LRRC4C: variants seen among roughly 807,000 people sequenced by gnomAD.
LRRC4C encodes the protein leucine rich repeat containing 4C.
LRRC4C carries 5 observed loss-of-function variants against 33.6 expected under a neutral mutation model. The observed-to-expected ratio is 0.15, with a 90% CI of 0.08 to 0.31. The LOEUF is 0.31. Ranked by LOEUF, LRRC4C falls within the 10% of genes least tolerant of loss-of-function variation. The pLI, the probability that LRRC4C is intolerant of heterozygous loss-of-function variation, is 1.00. For synonymous variants in LRRC4C, 329 were observed against 302.0 expected, an observed-to-expected ratio of 1.09 and a Z score of -0.93; for missense variants, 560 against 796.7, an observed-to-expected ratio of 0.70 and a Z score of 3.58.
intron 5 of LRRC4C, among the ~76,000 whole-genome samples, chr11:40,241,274 C>T (rs951633717): frequency 2.6e-5 from 4 of 151,694 alleles, no homozygotes; most frequent in Admixed American, 6.6e-5. Flanking sequence ...GCTAGCTACT[C>T]GGGAGGCTGA....
At chr11:40,919,747 A>G (rs1048930448) in intron 2 of LRRC4C, among the ~76,000 whole-genome samples, 1 of 152,188 alleles carries the variant, frequency 6.6e-6, no homozygotes, top group Non-Finnish European at 1.5e-5. Flanking sequence ...ATAAATGCAA[A>G]TCAGTAATAA....
intron 2 of LRRC4C, among the ~76,000 whole-genome samples, chr11:40,774,043 T>C (rs1021606156): frequency 1.3e-5 from 2 of 152,124 alleles, no homozygotes; most frequent in Non-Finnish European, 2.9e-5. Context: ...CAACTATTAA[T>C]CTGCTTTTTG....
At chr11:40,503,079 T>C (rs1483996903) in intron 3 of LRRC4C, among the ~76,000 whole-genome samples, 2 of 152,126 alleles carry the variant, frequency 1.3e-5, no homozygotes, top group Admixed American at 1.3e-4. Flanking sequence ...CAAGACACCA[T>C]GCTGACTCGC....
chr11:40,699,030 G>A (rs919676811), intron 2 of LRRC4C, among the ~76,000 whole-genome samples: 1 of 152,068 alleles, frequency 6.6e-6, no homozygotes, highest in Non-Finnish European at 1.5e-5. Flanking sequence ...TTTCATGGAT[G>A]AGTTTCCTAC....
intron 3 of LRRC4C, among the ~76,000 whole-genome samples, chr11:40,464,316 A>G (rs1278836365): frequency 6.6e-6 from 1 of 152,024 alleles, no homozygotes; most frequent in Non-Finnish European, 1.5e-5. Flanking sequence ...TAGGCATCAA[A>G]GGAACACATA....
At chr11:40,584,419 A>G (rs1330057473) in intron 3 of LRRC4C, among the ~76,000 whole-genome samples, 1 of 151,816 alleles carries the variant, frequency 6.6e-6, no homozygotes, top group African/African-American at 2.4e-5. Context: ...TAGCTTGATG[A>G]CAGTATTATT....
intron 3 of LRRC4C, among the ~76,000 whole-genome samples, chr11:40,484,262 C>T (rs533786479): frequency 4.6e-5 from 7 of 152,164 alleles, no homozygotes; most frequent in Admixed American, 3.3e-4. Flanking sequence ...CAGTTATTCA[C>T]TGTAGCATTA....
intron 1 of LRRC4C, among the ~76,000 whole-genome samples, chr11:41,157,392 C>G (rs998332986): frequency 6.6e-6 from 1 of 152,014 alleles, no homozygotes; most frequent in Admixed American, 6.6e-5. Context: ...TGCGAGTTCT[C>G]TAAGGCTTTT....
chr11:40,802,139 G>T (rs966316787), intron 2 of LRRC4C, among the ~76,000 whole-genome samples: 2 of 152,108 alleles, frequency 1.3e-5, no homozygotes, highest in Non-Finnish European at 2.9e-5. Context: ...ACATTCCATT[G>T]TCAGAACTGT....
chr11:40,340,527 T>C (rs1456773052), intron 3 of LRRC4C, among the ~76,000 whole-genome samples: 2 of 152,150 alleles, frequency 1.3e-5, no homozygotes, highest in East Asian at 3.8e-4. Context: ...TTAATATGTA[T>C]AAGTATAAAA....
chr11:41,177,137 A>C (rs907075071), intron 1 of LRRC4C, among the ~76,000 whole-genome samples: 4 of 152,174 alleles, frequency 2.6e-5, no homozygotes, highest in Non-Finnish European at 5.9e-5. Flanking sequence ...AGGGAACAGC[A>C]ATGCAAGGTC....
rs1378568311 is a variant in LRRC4C, at chr11:40,116,230, G to T, written c.63C>A (p.Ala21=). Residue 21 remains alanine, a synonymous_variant, in exon 7 of 7, where the codon GCC becomes GCA. Coordinates refer to ENST00000528697, the MANE Select transcript of LRRC4C (RefSeq NM_001258419.2). ...GCACCACAAGCAGGGGGTCAAATAG[G>T]GCCCTGTTAAACCTAGGACCTATCA... ...QIMIGPRFNR[A]LFDPLLVVLL... is the part of the protein sequence containing the mutation. The T allele has an allele frequency of 5.6e-6, 9 of 1,613,844 alleles. No homozygotes were observed. Among genetic ancestry groups the T allele is most frequent in the Non-Finnish European group, 7.6e-6 (9 of 1,179,994 alleles).
intron 1 of LRRC4C, among the ~76,000 whole-genome samples, chr11:41,143,936 G>A (rs573169616): frequency 3.2e-4 from 49 of 152,294 alleles, no homozygotes; most frequent in Admixed American, 1.5e-3. Context: ...AAAAGAATTA[G>A]TAAATTGTTT....
intron 3 of LRRC4C, among the ~76,000 whole-genome samples, chr11:40,457,136 G>A (rs780093708): frequency 6.1e-5 from 9 of 147,876 alleles, no homozygotes; most frequent in Non-Finnish European, 1.3e-4. Flanking sequence ...ACAGTTACTT[G>A]AGGATATACC....
In LRRC4C at chr11:41,057,822, G is replaced by A. The variant is rs563466724; in HGVS notation, c.-495-124099C>T. 4.6e-5 allele frequency among the ~76,000 whole-genome samples: 7 copies of A among 152,298 alleles called. No homozygotes were observed. The East Asian group carries it at 9.7e-4, about 21-fold the overall frequency. ...CAACCAGCTGCAGAAAGGAGCTACC[G>A]TCTCTGCTCTGCTGATAGCTGAACA... On this transcript the variant is annotated intron_variant, in intron 1 of 6. Transcript: ENST00000528697.
At chr11:40,276,673 AAGTGTGT>A (rs1320378201) in intron 4 of LRRC4C, among the ~76,000 whole-genome samples, 2 of 108,834 alleles carry the variant, frequency 1.8e-5, no homozygotes, top group African/African-American at 6.7e-5. Context: ...GGTGGGAAAC[AAGTGTGT>A]GTGTGTGTGT....
intron 2 of LRRC4C, among the ~76,000 whole-genome samples, chr11:40,666,017 T>C (rs2136241269): frequency 6.6e-6 from 1 of 152,250 alleles, no homozygotes; most frequent in Non-Finnish European, 1.5e-5. Context: ...TTTCTATATA[T>C]AGGTGTGTGT....
At chr11:41,005,404 G>A (rs185708211) in intron 1 of LRRC4C, among the ~76,000 whole-genome samples, 4 of 152,264 alleles carry the variant, frequency 2.6e-5, no homozygotes, top group East Asian at 3.9e-4. Flanking sequence ...AGGAGTTTGA[G>A]ACCAGCCTGA....
chr11:40,850,895 A>G (rs1953453421), intron 2 of LRRC4C, among the ~76,000 whole-genome samples: 1 of 151,232 alleles, frequency 6.6e-6, no homozygotes, highest in Non-Finnish European at 1.5e-5. Context: ...GGCTCCGCCC[A>G]GTCCAAACTT....
Sources: gnomAD v4.1 joint callset for allele counts (sites outside exome capture counted in the v4.1 genomes callset) on GRCh38, gnomAD v4.1.1 for gene constraint, MANE v1.5 for transcripts, NCBI Gene and HGNC (gene_info 2026-07-23, HGNC 2026-07-21) for gene names.